The following TENM2 variants were observed in gnomAD, a reference collection of about 807,000 sequenced individuals.
TENM2 encodes teneurin transmembrane protein 2.
Under a neutral mutation model 245.2 loss-of-function variants are expected in TENM2, and 52 were observed. The ratio of observed to expected loss-of-function variants is 0.21; its 90% CI spans 0.17 to 0.27. The LOEUF is 0.27. Ranked by LOEUF, TENM2 falls within the 10% of genes least tolerant of loss-of-function variation. The pLI is 1.00. For missense variants in TENM2, 3,046 were observed against 3,666.8 expected (o/e 0.83, Z 4.37); for synonymous variants, 1,363 against 1,438.9 (o/e 0.95, Z 1.19).
intron 3 of TENM2, among the ~76,000 whole-genome samples, chr5:167,915,899 G>A (rs552902524): frequency 6.6e-6 from 1 of 152,298 alleles, no homozygotes; most frequent in East Asian, 1.9e-4. Flanking sequence ...ATATGAGTGA[G>A]AAATGTGGGC....
chr5:168,144,065 G>T (rs1260209427), intron 12 of TENM2, among the ~76,000 whole-genome samples: 1 of 151,148 alleles, frequency 6.6e-6, no homozygotes, highest in Non-Finnish European at 1.5e-5. Context: ...CGCCATGTTG[G>T]TCTGGCTGGT....
intron 2 of TENM2, among the ~76,000 whole-genome samples, chr5:167,580,602 C>T (rs1224059469): frequency 1.3e-5 from 2 of 152,232 alleles, no homozygotes; most frequent in African/African-American, 4.8e-5. Flanking sequence ...TTGCCAGAAA[C>T]GCTGTTACTG....
At chr5:168,256,542 C>T (rs1163628384) in intron 27 of TENM2, among the ~76,000 whole-genome samples, 1 of 152,084 alleles carries the variant, frequency 6.6e-6, no homozygotes, top group Non-Finnish European at 1.5e-5. Context: ...TCTCCTGCCC[C>T]AGCCTCCTGA....
At chr5:168,091,696 T>C (rs911166649) in intron 8 of TENM2, among the ~76,000 whole-genome samples, 2 of 152,194 alleles carry the variant, frequency 1.3e-5, no homozygotes, top group Non-Finnish European at 2.9e-5. Context: ...GTGGAAACAG[T>C]GGAAATGGCA....
At chr5:167,047,595 A>C in the TENM2 span, among the ~76,000 whole-genome samples, 1 of 152,180 alleles carries the variant, frequency 6.6e-6, no homozygotes, top group South Asian at 2.1e-4. Flanking sequence ...TCTTGTAACT[A>C]TTTGAGTCAG....
At chr5:167,262,126 G>T in the TENM2 span, among the ~76,000 whole-genome samples, 1 of 152,080 alleles carries the variant, frequency 6.6e-6, no homozygotes, top group African/African-American at 2.4e-5. Context: ...TGGAAATTTG[G>T]AAGAGATAAC....
chr5:167,549,003 A>G (rs1772754578), intron 2 of TENM2, among the ~76,000 whole-genome samples: 1 of 152,244 alleles, frequency 6.6e-6, no homozygotes, highest in Non-Finnish European at 1.5e-5. Flanking sequence ...TATCAATAGC[A>G]GAATTCTCCT....
chr5:167,190,847 C>G, the TENM2 span, among the ~76,000 whole-genome samples: 1 of 151,992 alleles, frequency 6.6e-6, no homozygotes, highest in Non-Finnish European at 1.5e-5. Context: ...TATTTCCTTT[C>G]TATTATTATT....
At chr5:167,367,897 C>T (rs1463157290) in intron 1 of TENM2, among the ~76,000 whole-genome samples, 1 of 152,028 alleles carries the variant, frequency 6.6e-6, no homozygotes. Context: ...ACTTCAATTT[C>T]TTTGATAAAA....
intron 7 of TENM2, among the ~76,000 whole-genome samples, chr5:168,067,030 C>A (rs1037617052): frequency 1.3e-5 from 2 of 152,134 alleles, no homozygotes; most frequent in African/African-American, 4.8e-5. Flanking sequence ...AAGAACAAGT[C>A]AATAATTGGC....
chr5:168,262,603 G>C (rs533733558), exon 29 of TENM2: 2 of 1,583,708 alleles, frequency 1.3e-6, no homozygotes, highest in Non-Finnish European at 1.7e-6. Context: ...CCCTGGGCAC[G>C]GCCTGGGCCA....
chr5:167,733,363 A>C (rs1346784096), intron 2 of TENM2, among the ~76,000 whole-genome samples: 1 of 152,164 alleles, frequency 6.6e-6, no homozygotes, highest in Non-Finnish European at 1.5e-5. Context: ...TGATGATTTG[A>C]TTTCCATGGT....
At chr5:167,274,602 A>G in the TENM2 span, among the ~76,000 whole-genome samples, 1 of 151,018 alleles carries the variant, frequency 6.6e-6, no homozygotes, top group Non-Finnish European at 1.5e-5. Flanking sequence ...TTTTTAAGAA[A>G]CTAGCCAACT....
chr5:167,775,332 C>T (rs992057951), intron 2 of TENM2, among the ~76,000 whole-genome samples: 1 of 152,108 alleles, frequency 6.6e-6, no homozygotes, highest in African/African-American at 2.4e-5. Flanking sequence ...GTTGTGTGGC[C>T]CTTGTCGGAT....
intron 2 of TENM2, among the ~76,000 whole-genome samples, chr5:167,526,142 C>T (rs767390060): frequency 5.9e-5 from 9 of 151,780 alleles, no homozygotes; most frequent in East Asian, 1.9e-4. Context: ...AAATATAAAG[C>T]GCCCCCAATA....
chr5:168,091,734 T>C (rs539304944), intron 8 of TENM2, among the ~76,000 whole-genome samples: 4 of 152,328 alleles, frequency 2.6e-5, no homozygotes, highest in African/African-American at 9.6e-5. Flanking sequence ...TCCACTGCCC[T>C]TGTACAACAC....
chr5:167,705,995 ATTTATT>A (rs1561690727), intron 2 of TENM2, among the ~76,000 whole-genome samples: 135 of 125,180 alleles, frequency 1.1e-3, no homozygotes, highest in African/African-American at 5.0e-3. Context: ...ATATATATTT[ATTTATT>A]TATTTATTTA....
At chr5:167,321,812 G>C (rs1756757423) in intron 1 of TENM2, among the ~76,000 whole-genome samples, 1 of 22,160 alleles carries the variant, frequency 4.5e-5, no homozygotes, top group African/African-American at 1.7e-4. Flanking sequence ...GGGGGGGGGG[G>C]CGGGGGGGGG....
chr5:167,544,266 G>A (rs1280200868), intron 2 of TENM2, among the ~76,000 whole-genome samples: 2 of 152,152 alleles, frequency 1.3e-5, no homozygotes, highest in Non-Finnish European at 2.9e-5. Flanking sequence ...GGGCCCTGGA[G>A]AGAATTATCA....
Sources: allele counts gnomAD v4.1 joint callset (sites outside exome capture counted in the v4.1 genomes callset), GRCh38; gene constraint gnomAD v4.1.1; transcripts MANE v1.5; gene names NCBI Gene and HGNC (gene_info 2026-07-23, HGNC 2026-07-21).